The following ANO3 variants were observed in gnomAD, a reference collection of about 807,000 sequenced individuals.
ANO3 encodes the protein anoctamin 3, also known as anoctamin-3.
Under a neutral mutation model 144.8 loss-of-function variants are expected in ANO3, and 99 were observed. The observed-to-expected ratio is 0.68, with a 90% CI of 0.58 to 0.81. The LOEUF is 0.81. Ranked by LOEUF, ANO3 falls within the 30% of genes least tolerant of loss-of-function variation. ANO3 has a pLI of 0.00. For missense variants in ANO3, 905 were observed against 1,202.2 expected, an observed-to-expected ratio of 0.75 and a Z score of 3.66; for synonymous variants, 414 against 392.6, an observed-to-expected ratio of 1.05 and a Z score of -0.64.
At chr11:26,541,095 A>T (rs1252587911) in intron 10 of ANO3, among the ~76,000 whole-genome samples, 5 of 152,220 alleles carry the variant, frequency 3.3e-5, no homozygotes, top group Non-Finnish European at 7.3e-5. Context: ...ACACATATAC[A>T]CCATGGAATA....
chr11:26,361,711 G>A (rs544506506), intron 1 of ANO3, among the ~76,000 whole-genome samples: 13 of 152,172 alleles, frequency 8.5e-5, no homozygotes, highest in African/African-American at 2.4e-4. Flanking sequence ...GAAAGGAGGC[G>A]CCCTTTACAA....
exon 1 of ANO3, chr11:26,189,111 A>G (rs1477069311): frequency 1.4e-6 from 1 of 735,832 alleles, no homozygotes; most frequent in East Asian, 1.3e-4. Flanking sequence ...TTTTTTTCCT[A>G]TCCCTTAATT....
intron 1 of ANO3, among the ~76,000 whole-genome samples, chr11:26,200,746 T>C (rs1329064935): frequency 6.6e-6 from 1 of 152,188 alleles, no homozygotes; most frequent in Non-Finnish European, 1.5e-5. Context: ...CTAAATGTGA[T>C]CATTCCTAGA....
intron 11 of ANO3, among the ~76,000 whole-genome samples, chr11:26,543,612 C>T (rs537282662): frequency 3.2e-4 from 49 of 152,200 alleles, no homozygotes; most frequent in African/African-American, 1.1e-3. Flanking sequence ...TCCTCCCTCC[C>T]GCCACACCAC....
intron 14 of ANO3, chr11:26,565,253 G>C: frequency 6.3e-7 from 1 of 1,585,792 alleles, no homozygotes; most frequent in Non-Finnish European, 8.6e-7. Context: ...CTTGATAAGG[G>C]GTAAACCCAG....
intron 1 of ANO3, among the ~76,000 whole-genome samples, chr11:26,220,180 C>T (rs748118481): frequency 3.3e-5 from 5 of 152,176 alleles, no homozygotes; most frequent in Non-Finnish European, 7.4e-5. Context: ...GTGACTTCCC[C>T]AAATCTGGAG....
intron 6 of ANO3, 86 bp from the exon 7 acceptor site, chr11:26,525,549 T>C: frequency 1.9e-6 from 2 of 1,063,852 alleles, no homozygotes; most frequent in South Asian, 2.8e-5. Context: ...AGTATAGAAA[T>C]GCTCAATATG....
At chr11:26,375,250 A>T (rs1856373899) in intron 1 of ANO3, among the ~76,000 whole-genome samples, 1 of 152,102 alleles carries the variant, frequency 6.6e-6, no homozygotes, top group South Asian at 2.1e-4. Flanking sequence ...CCCCTATGAG[A>T]ATCCAGTGCT....
In ANO3 at chr11:26,465,289, TAG is replaced by T. The variant is rs1491490020; in HGVS notation, c.432+2143_432+2144del. 2.5e-4 allele frequency among the ~76,000 whole-genome samples: 38 copies of T among 151,318 alleles called. No individual in the cohort carries two copies. In the South Asian group the frequency reaches 3.8e-3, roughly 15 times the overall value. On this transcript the variant is annotated intron_variant, in intron 4 of 26. Coordinates refer to ENST00000256737, the MANE Select transcript of ANO3 (RefSeq NM_031418.4). ...GAACCTATTTAGATAGATAGATAGATAGATAGATAGATAGATAGATAGATAGA... is the reference window on the plus strand; with the variant it reads ...GAACCTATTTAGATAGATAGATAGATATAGATAGATAGATAGATAGATAGA...
intron 6 of ANO3, among the ~76,000 whole-genome samples, chr11:26,520,681 A>G (rs1862038449): frequency 6.6e-6 from 1 of 152,254 alleles, no homozygotes; most frequent in South Asian, 2.1e-4. Flanking sequence ...AAATATTTTT[A>G]GAGAAGTGGC....
chr11:26,595,482 T>G (rs1306218540), intron 14 of ANO3, among the ~76,000 whole-genome samples: 18 of 148,160 alleles, frequency 1.2e-4, no homozygotes, highest in Non-Finnish European at 2.7e-4. Context: ...TTTTTTTTTT[T>G]TTTTTATTCT....
intron 4 of ANO3, among the ~76,000 whole-genome samples, chr11:26,468,042 C>T (rs1859661163): frequency 6.6e-6 from 1 of 151,854 alleles, no homozygotes; most frequent in Non-Finnish European, 1.5e-5. Context: ...TAATGAGGTC[C>T]TACCACCAAA....
chr11:26,551,167 C>A (rs1238310882), intron 12 of ANO3, among the ~76,000 whole-genome samples: 1 of 151,938 alleles, frequency 6.6e-6, no homozygotes, highest in African/African-American at 2.4e-5. Context: ...AGCATGAGAA[C>A]CCTCAAGTGA....
At chr11:26,642,111 A>G in intron 22 of ANO3, 82 bp downstream of exon 22, 1 of 1,478,972 alleles carries the variant, frequency 6.8e-7, no homozygotes, top group Non-Finnish European at 9.2e-7. Flanking sequence ...TCAACAGAGA[A>G]AATTATCTCT....
At chr11:26,487,723 G>A (rs1353316203) in intron 4 of ANO3, among the ~76,000 whole-genome samples, 18 of 152,184 alleles carry the variant, frequency 1.2e-4, no homozygotes, top group Admixed American at 1.2e-3. Flanking sequence ...GGTGACTCCT[G>A]TTACGTCACC....
intron 1 of ANO3, among the ~76,000 whole-genome samples, chr11:26,350,060 G>A (rs1330753014): frequency 1.3e-5 from 2 of 150,588 alleles, no homozygotes; most frequent in Non-Finnish European, 2.9e-5. Flanking sequence ...GGAACGGAAG[G>A]GGGAGGAGAC....
At chr11:26,350,771 T>C (rs7108930) in intron 1 of ANO3, among the ~76,000 whole-genome samples, 16,060 of 152,136 alleles carry the variant, frequency 0.11, 1,103 homozygotes, top group East Asian at 0.25. Context: ...TCTACTAAAG[T>C]TAGGAATAAT....
chr11:26,303,098 T>C (rs1274583797), intron 1 of ANO3, among the ~76,000 whole-genome samples: 1 of 152,212 alleles, frequency 6.6e-6, no homozygotes. Flanking sequence ...TTGGTGGAAA[T>C]GTCAATTAGT....
chr11:26,628,675 A>G (rs576284032), intron 18 of ANO3, among the ~76,000 whole-genome samples: 12 of 152,360 alleles, frequency 7.9e-5, no homozygotes, highest in African/African-American at 2.4e-4. Flanking sequence ...GTTGCCACAT[A>G]GCCTTTTACT....
Sources: allele counts gnomAD v4.1 joint callset (sites outside exome capture counted in the v4.1 genomes callset), GRCh38; gene constraint gnomAD v4.1.1; transcripts MANE v1.5; gene names NCBI Gene and HGNC (gene_info 2026-07-23, HGNC 2026-07-21).